The following PPP1R1C variants were observed in gnomAD, a reference collection of about 807,000 sequenced individuals.
PPP1R1C encodes the protein protein phosphatase 1 regulatory subunit 1C.
In PPP1R1C, 15 loss-of-function variants were observed where a neutral mutation model predicts 17.4. The observed-to-expected ratio is 0.86, with a 90% CI of 0.58 to 1.33. The LOEUF is 1.33. Among genes scored for constraint, PPP1R1C ranks in the 40% most tolerant of loss-of-function variants. PPP1R1C has a pLI of 0.00. For synonymous variants in PPP1R1C, 35 were observed against 43.1 expected (o/e 0.81, Z 0.73); for missense variants, 143 against 130.0 (o/e 1.10, Z -0.48).
At chr2:182,005,985 A>G (rs1304619558) in intron 2 of PPP1R1C, among the ~76,000 whole-genome samples, 1 of 152,190 alleles carries the variant, frequency 6.6e-6, no homozygotes, top group Non-Finnish European at 1.5e-5. Flanking sequence ...AGCCAAAAGT[A>G]CTCACAGTAA....
At chr2:182,033,308 A>T (rs1173986028) in intron 2 of PPP1R1C, among the ~76,000 whole-genome samples, 3 of 152,168 alleles carry the variant, frequency 2.0e-5, no homozygotes, top group African/African-American at 7.2e-5. Flanking sequence ...ATTTACTCTC[A>T]TAGTCTAAAA....
At position 182,128,139 on chromosome 2, in the gene PPP1R1C, T is replaced by C. The variant is rs576567111; in HGVS notation, c.*7-835T>C. Reference sequence around the variant, plus strand: ...ATGCTAAACATTGTTTAAGTGCTGCTGATTCTAGGTATTAATAAGAAGTGA... The same window carrying C: ...ATGCTAAACATTGTTTAAGTGCTGCCGATTCTAGGTATTAATAAGAAGTGA... On this transcript the variant is annotated intron_variant, in intron 5 of 5. Coordinates refer to the PPP1R1C transcript ENST00000280295. Among the ~76,000 whole-genome samples the C allele has an allele frequency of 5.9e-5, 9 of 152,266 alleles. No individual in the cohort carries two copies. In the East Asian group the frequency reaches 1.7e-3, roughly 29 times the overall value.
chr2:181,988,002 A>T lies in PPP1R1C; in HGVS notation c.142+103A>T, dbSNP rs16867515. ...GAAAAGTTTCAATTTAGGATTTCAC[A>T]GTTAGCAATACTCTAGAAAGCTAAT... On this transcript the variant is annotated intron_variant, in intron 2 of 4. Coordinates refer to ENST00000682840, the MANE Select transcript of PPP1R1C (RefSeq NM_001080545.3). The T allele has an allele frequency of 1.2e-5, 10 of 850,068 alleles. No homozygotes were observed. The East Asian group carries it at 1.6e-4, about 14-fold the overall frequency. 52.7% of individuals were successfully genotyped at this position (850,068 alleles called of 1,614,324 possible).
intron 2 of PPP1R1C, among the ~76,000 whole-genome samples, chr2:181,992,044 G>A (rs927380526): frequency 2.6e-5 from 4 of 152,074 alleles, no homozygotes; most frequent in Non-Finnish European, 4.4e-5. Context: ...GGCTACCAGC[G>A]TTTGAAATCT....
chr2:181,958,828 T>G (rs982903449), intron 1 of PPP1R1C, among the ~76,000 whole-genome samples: 1 of 152,268 alleles, frequency 6.6e-6, no homozygotes, highest in Non-Finnish European at 1.5e-5. Flanking sequence ...TTCATTGCTG[T>G]GGAGTATTCA....
intron 2 of PPP1R1C, among the ~76,000 whole-genome samples, chr2:182,056,616 G>A (rs1226778580): frequency 6.6e-6 from 1 of 152,096 alleles, no homozygotes; most frequent in Non-Finnish European, 1.5e-5. Context: ...TTGGGGTTTA[G>A]TCTAAGAAAT....
At chr2:182,030,688 G>T (rs1484568599) in intron 2 of PPP1R1C, among the ~76,000 whole-genome samples, 1 of 149,242 alleles carries the variant, frequency 6.7e-6, no homozygotes, top group East Asian at 2.0e-4. Context: ...CCTGCCCCCA[G>T]AGGTGGAGCC....
At chr2:182,102,615 G>C (rs1191785293) in intron 4 of PPP1R1C, among the ~76,000 whole-genome samples, 1 of 152,064 alleles carries the variant, frequency 6.6e-6, no homozygotes, top group Non-Finnish European at 1.5e-5. Flanking sequence ...CACAAGTTCA[G>C]GATACTTATT....
At chr2:182,089,768 G>T (rs967931047) in intron 4 of PPP1R1C, among the ~76,000 whole-genome samples, 2 of 151,954 alleles carry the variant, frequency 1.3e-5, no homozygotes, top group Non-Finnish European at 2.9e-5. Flanking sequence ...ATTGTATTTT[G>T]TCTCAGTCAT....
intron 1 of PPP1R1C, among the ~76,000 whole-genome samples, chr2:181,955,773 A>G (rs1044917388): frequency 1.3e-5 from 2 of 152,250 alleles, no homozygotes; most frequent in African/African-American, 4.8e-5. Context: ...ATTAAGAAGT[A>G]AATAAAATGA....
At chr2:182,096,432 T>G (rs1040035107) in intron 4 of PPP1R1C, among the ~76,000 whole-genome samples, 2 of 151,196 alleles carry the variant, frequency 1.3e-5, no homozygotes, top group Non-Finnish European at 2.9e-5. Context: ...TTTGGGGTAT[T>G]GTATTCTGAG....
In PPP1R1C at chr2:181,986,040, C is replaced by T. The variant is rs1685286740; in HGVS notation, c.-71C>T. Reference sequence around the variant, plus strand: ...GCTTAGTGGAGTGTGTCTGAGGAAACACATCCCGGACACCACTTAGGGTTA... The same window carrying T: ...GCTTAGTGGAGTGTGTCTGAGGAAATACATCCCGGACACCACTTAGGGTTA... On this transcript the variant is annotated 5_prime_UTR_variant, in exon 1 of 5. Coordinates refer to ENST00000682840, the MANE Select transcript of PPP1R1C (RefSeq NM_001080545.3). The T allele has an allele frequency of 8.4e-7, 1 of 1,190,066 alleles. No individual in the cohort carries two copies. The highest frequency in any genetic ancestry group is 1.7e-5 in the Admixed American group (1 of 58,960). The allele number at this position is 1,190,066 out of a possible 1,614,324, so 73.7% of individuals were successfully genotyped here. A position where few individuals can be genotyped will look rare whatever the true frequency, so the allele number is the denominator to read the frequency against.
intron 2 of PPP1R1C, among the ~76,000 whole-genome samples, chr2:182,020,215 C>T (rs555795770): frequency 1.3e-5 from 2 of 152,278 alleles, no homozygotes; most frequent in South Asian, 4.1e-4. Context: ...AATATTCATA[C>T]TGTGATTCCT....
intron 2 of PPP1R1C, among the ~76,000 whole-genome samples, chr2:182,059,893 G>C (rs755830028): frequency 6.6e-6 from 1 of 152,020 alleles, no homozygotes; most frequent in African/African-American, 2.4e-5. Context: ...TAAAGTTATA[G>C]GTCCTGGGTT....
At chr2:182,116,568 A>C (rs1433667685) in intron 4 of PPP1R1C, among the ~76,000 whole-genome samples, 1 of 152,184 alleles carries the variant, frequency 6.6e-6, no homozygotes, top group Non-Finnish European at 1.5e-5. Flanking sequence ...AGTGTTGTTA[A>C]GTGTAAATTA....
chr2:182,056,543 AG>A (rs1481683198), intron 2 of PPP1R1C, among the ~76,000 whole-genome samples: 1 of 152,126 alleles, frequency 6.6e-6, no homozygotes, highest in Non-Finnish European at 1.5e-5. Context: ...TTTCCAAAAT[AG>A]GTGCCTAAAA....
intron 2 of PPP1R1C, among the ~76,000 whole-genome samples, chr2:182,026,787 A>T: frequency 6.6e-6 from 1 of 151,018 alleles, no homozygotes. Flanking sequence ...TTGAATCTGT[A>T]AATTACCTTG....
At chr2:182,024,197 G>T (rs779104657) in intron 2 of PPP1R1C, among the ~76,000 whole-genome samples, 2 of 152,184 alleles carry the variant, frequency 1.3e-5, no homozygotes, top group Non-Finnish European at 2.9e-5. Flanking sequence ...ATCTGAGCAA[G>T]TTAAAAAGGA....
At chr2:182,044,234 A>G (rs765668361) in intron 2 of PPP1R1C, among the ~76,000 whole-genome samples, 1 of 152,188 alleles carries the variant, frequency 6.6e-6, no homozygotes, top group Non-Finnish European at 1.5e-5. Context: ...AAATCTGGTC[A>G]TGCCTCTTTC....
Sources: gnomAD v4.1 joint callset for allele counts (sites outside exome capture counted in the v4.1 genomes callset) on GRCh38, gnomAD v4.1.1 for gene constraint, MANE v1.5 for transcripts, NCBI Gene and HGNC (gene_info 2026-07-23, HGNC 2026-07-21) for gene names.